The following USF1 variants were observed in gnomAD, a reference collection of about 807,000 sequenced individuals.
USF1 encodes upstream transcription factor 1.
In USF1, 22 loss-of-function variants were observed where a neutral mutation model predicts 46.3. That is an observed-to-expected ratio of 0.47 (90% CI 0.34 to 0.68). The LOEUF (loss-of-function observed/expected upper bound fraction) is 0.68, where lower values mean the gene tolerates loss of function less well. Ranked by LOEUF, USF1 falls within the 30% of genes least tolerant of loss-of-function variation. The probability of loss-of-function intolerance (pLI) is 0.01; values close to 1 mark genes in which losing one functional copy is unlikely to be tolerated. For missense variants in USF1, 287 were observed against 399.3 expected (o/e 0.72, Z 2.40); for synonymous variants, 150 against 147.0 (o/e 1.02, Z -0.15).
chr1:161,040,198 T>A lies in USF1; in HGVS notation c.843+4A>T. 6.2e-7 allele frequency: 1 copy of A among 1,614,044 alleles called. No homozygotes were observed. The highest frequency in any genetic ancestry group is 8.5e-7 in the Non-Finnish European group (1 of 1,180,010). On this transcript the variant is annotated splice_donor_region_variant and intron_variant, in intron 10 of 10. Coordinates refer to ENST00000368021, the MANE Select transcript of USF1 (RefSeq NM_007122.5). This position sits in a 1 kb window ranked among gnomAD's most constrained non-coding sequence, Gnocchi z 4.0. Reference sequence around the variant, plus strand: ...AAGGGCTGCACTGGGGGTAGGAGTCTGACCTGTTGTCGAAGCACGTCATTG... The same window carrying A: ...AAGGGCTGCACTGGGGGTAGGAGTCAGACCTGTTGTCGAAGCACGTCATTG...
At position 161,040,148 on chromosome 1, in the gene USF1, T is replaced by C; in HGVS notation, c.843+54A>G. 6.2e-7 allele frequency: 1 copy of C among 1,611,072 alleles called. No homozygotes were observed. Among genetic ancestry groups the C allele is most frequent in the Non-Finnish European group, 8.5e-7 (1 of 1,177,792 alleles). On this transcript the variant is annotated intron_variant, in intron 10 of 10. Coordinates refer to ENST00000368021, the MANE Select transcript of USF1 (RefSeq NM_007122.5). The surrounding 1 kb of genome is among the most constrained non-coding windows in gnomAD (Gnocchi z 4.0). ...GAGAACAAAGTAGAGGGTGTCAAACTGGGTCAGTGGCTAGCAGAACTGAGA... is the reference window on the plus strand; with the variant it reads ...GAGAACAAAGTAGAGGGTGTCAAACCGGGTCAGTGGCTAGCAGAACTGAGA...
chr1:161,043,307 G>C lies in USF1; in HGVS notation c.-32C>G. ...GTGAGGGGGCACATCCGAGGAACTG[G>C]TCCTTTTTTGGAGGTCTTTGTATCT... On this transcript the variant is annotated 5_prime_UTR_variant, in exon 2 of 11. Coordinates refer to ENST00000368021, the MANE Select transcript of USF1 (RefSeq NM_007122.5). 1 of 1,614,152 alleles carries C rather than the reference G, an allele frequency of 6.2e-7. No homozygotes were observed. The highest frequency in any genetic ancestry group is 2.2e-5 in the East Asian group (1 of 44,884).
rs537408101 is a variant in USF1 at position 161,042,846 on chromosome 1, C to T, written c.45G>A (p.Val15=). The part of the protein sequence containing the change: ...QKTAETEEGT[V]QIQEGAVATG... ...TCTAGCACTCACCTTCCTGAATCTG[C>T]ACTGTCCCCTCTTCCGTTTCAGCTG... The change falls in exon 3 of 11, where the codon GTG becomes GTA. Residue 15 remains valine (V), a synonymous_variant. Coordinates refer to ENST00000368021, the MANE Select transcript of USF1 (RefSeq NM_007122.5). 17 of 1,614,188 alleles carry T rather than the reference C, an allele frequency of 1.1e-5. No homozygotes were observed. The East Asian group carries it at 1.1e-4, about 11-fold the overall frequency.
intron 5 of USF1, 85 bp from the exon 6 acceptor site, chr1:161,041,931 G>A: frequency 7.0e-7 from 1 of 1,422,748 alleles, no homozygotes; most frequent in Non-Finnish European, 9.7e-7. Flanking sequence ...TATCCGTTGG[G>A]GTGGTAGGTA....
chr1:161,045,711 G>C (rs1241367571), intron 1 of USF1, 147 bp downstream of exon 1: 1 of 152,820 alleles, frequency 6.5e-6, no homozygotes. Flanking sequence ...CAGGGTATGA[G>C]ATAAAGAACC....
chr1:161,043,000 T>C, intron 2 of USF1, 118 bp from the exon 3 acceptor site: 1 of 1,430,232 alleles, frequency 7.0e-7, no homozygotes, highest in South Asian at 1.2e-5. Flanking sequence ...TGGGTTAGGT[T>C]AGAATAACAA....
At chr1:161,044,949 C>G (rs899011417) in intron 1 of USF1, 1 of 152,260 alleles carries the variant, frequency 6.6e-6, no homozygotes, top group African/African-American at 2.4e-5. Context: ...GGATAAGCCT[C>G]GGAAAGACCG....
chr1:161,040,146 A>T lies in USF1; in HGVS notation c.843+56T>A. On this transcript the variant is annotated intron_variant, in intron 10 of 10. Transcript: ENST00000368021. This position sits in a 1 kb window ranked among gnomAD's most constrained non-coding sequence, Gnocchi z 4.0. ...TGGAGAACAAAGTAGAGGGTGTCAAACTGGGTCAGTGGCTAGCAGAACTGA... is the reference window on the plus strand; with the variant it reads ...TGGAGAACAAAGTAGAGGGTGTCAATCTGGGTCAGTGGCTAGCAGAACTGA... 6.2e-7 allele frequency: 1 copy of T among 1,611,102 alleles called. No homozygotes were observed. The highest frequency in any genetic ancestry group is 1.7e-5 in the Admixed American group (1 of 59,910).
intron 6 of USF1, 70 bp from the exon 7 acceptor site, chr1:161,041,481 C>G: frequency 6.5e-7 from 1 of 1,534,280 alleles, no homozygotes; most frequent in South Asian, 1.1e-5. Flanking sequence ...GGTGAAGACC[C>G]TGGTCCCCTC....
At position 161,040,792 on chromosome 1, in the gene USF1, G is replaced by A; in HGVS notation, c.619+22C>T. ...CTGAGATCACACCAGACAGCTTCTA[G>A]CTCCACCCAGATCATACCTACCTTC... is the stretch of plus-strand genomic sequence containing the variant. On this transcript the variant is annotated intron_variant, in intron 8 of 10. Transcript: ENST00000368021. The surrounding 1 kb of genome is among the most constrained non-coding windows in gnomAD (Gnocchi z 4.0). 6.2e-7 allele frequency: 1 copy of A among 1,614,018 alleles called. No individual in the cohort carries two copies. Among genetic ancestry groups the A allele is most frequent in the Non-Finnish European group, 8.5e-7 (1 of 1,180,008 alleles).
chr1:161,040,436 T>C lies in USF1; in HGVS notation c.715-106A>G, dbSNP rs1650497155. The C allele has an allele frequency of 6.3e-7, 1 of 1,574,882 alleles. No individual in the cohort carries two copies. Among genetic ancestry groups the C allele is most frequent in the Non-Finnish European group, 8.6e-7 (1 of 1,157,448 alleles). ...CCTCATTTTCATCTAAGGAAGGTGG[T>C]ATAATATCTCCCAGGGATACAGGAA... On this transcript the variant is annotated intron_variant, in intron 9 of 10. Transcript: ENST00000368021. The surrounding 1 kb of genome is among the most constrained non-coding windows in gnomAD (Gnocchi z 4.0).
At chr1:161,041,120 G>A (rs1650536791) in intron 7 of USF1, among the ~76,000 whole-genome samples, 1 of 151,914 alleles carries the variant, frequency 6.6e-6, no homozygotes, top group Non-Finnish European at 1.5e-5. Context: ...AAATTAGCCA[G>A]GGGTGGTGGT....
chr1:161,044,619 G>A (rs1341441756), intron 1 of USF1, among the ~76,000 whole-genome samples: 1 of 151,868 alleles, frequency 6.6e-6, no homozygotes, highest in Admixed American at 6.6e-5. Context: ...AAGCCTTCCT[G>A]CAGAACAACA....
intron 2 of USF1, 43 bp from the exon 3 acceptor site, chr1:161,042,925 T>A (rs1311250474): frequency 1.2e-6 from 2 of 1,613,680 alleles, no homozygotes; most frequent in Non-Finnish European, 1.7e-6. Flanking sequence ...TGAGAAGAAG[T>A]CAATGAGAAG....
chr1:161,041,281 A>AG (rs1650547747), intron 7 of USF1, 43 bp downstream of exon 7: 2 of 1,463,052 alleles, frequency 1.4e-6, no homozygotes, highest in Admixed American at 4.8e-5. Flanking sequence ...AAAAAAAAAA[A>AG]AAAACCACTT....
intron 1 of USF1, among the ~76,000 whole-genome samples, chr1:161,045,106 C>T (rs371706340): frequency 2.0e-5 from 3 of 152,206 alleles, no homozygotes; most frequent in African/African-American, 7.2e-5. Flanking sequence ...AGAGGAAATG[C>T]CCTGCGAAGC....
chr1:161,040,184 T>C lies in USF1; in HGVS notation c.843+18A>G, dbSNP rs955763169. The C allele has an allele frequency of 1.2e-6, 2 of 1,613,710 alleles. No individual in the cohort carries two copies. The highest frequency in any genetic ancestry group is 1.3e-5 in the African/African-American group (1 of 75,010). On this transcript the variant is annotated intron_variant, in intron 10 of 10. Transcript: ENST00000368021. The surrounding 1 kb of genome is among the most constrained non-coding windows in gnomAD (Gnocchi z 4.0). Reference sequence around the variant, plus strand: ...CTAGCAGAACTGAGAAGGGCTGCACTGGGGGTAGGAGTCTGACCTGTTGTC... The same window carrying C: ...CTAGCAGAACTGAGAAGGGCTGCACCGGGGGTAGGAGTCTGACCTGTTGTC...
intron 1 of USF1, 79 bp from the exon 2 acceptor site, chr1:161,043,439 C>T: frequency 1.8e-6 from 2 of 1,107,934 alleles, no homozygotes; most frequent in South Asian, 3.1e-5. Context: ...GTTCCATGAA[C>T]ACATAGCCAG....
chr1:161,041,569 T>C (rs1007031007), intron 6 of USF1, 82 bp downstream of exon 6: 4 of 1,533,914 alleles, frequency 2.6e-6, no homozygotes, highest in East Asian at 2.3e-5. Context: ...CTAAGAGTCA[T>C]GAGTGAAGGC....
Sources: gnomAD v4.1 joint callset for allele counts (sites outside exome capture counted in the v4.1 genomes callset) on GRCh38, gnomAD v4.1.1 for gene constraint, Gnocchi (gnomAD v3.1) non-coding constraint, MANE v1.5 for transcripts, NCBI Gene and HGNC (gene_info 2026-07-23, HGNC 2026-07-21) for gene names.